The following HIVEP3 variants were observed in gnomAD, a reference collection of about 807,000 sequenced individuals.
The protein encoded by HIVEP3 is transcription factor HIVEP3.
In HIVEP3, 49 loss-of-function variants were observed where a neutral mutation model predicts 152.8. The observed-to-expected ratio is 0.32, with a 90% CI of 0.26 to 0.41. The LOEUF is 0.41. Ranked by LOEUF, HIVEP3 falls within the 10% of genes least tolerant of loss-of-function variation. The probability of loss-of-function intolerance (pLI) is 1.00; values close to 1 mark genes in which losing one functional copy is unlikely to be tolerated. For synonymous variants in HIVEP3, 1,269 were observed against 1,289.0 expected, an observed-to-expected ratio of 0.98 and a Z score of 0.33; for missense variants, 2,790 against 3,103.3, an observed-to-expected ratio of 0.90 and a Z score of 2.40.
At position 41,604,710 on chromosome 1, in the gene HIVEP3, T is replaced by C. The variant is rs181496752; in HGVS notation, c.-521-19392A>G. On this transcript the variant is annotated intron_variant, in intron 3 of 8. Coordinates refer to ENST00000372583, the MANE Select transcript of HIVEP3 (RefSeq NM_024503.5). ...AAATAAATTTCTTTACTTTATAGAT[T>C]ACCCAGCTTTAGTATTCTGTACTAG... Among the ~76,000 whole-genome samples the C allele has an allele frequency of 2.6e-5, 4 of 152,340 alleles. No homozygotes were observed. In the East Asian group the frequency reaches 5.8e-4, roughly 22 times the overall value.
chr1:41,999,868 G>A (rs945737070), intron 1 of HIVEP3, among the ~76,000 whole-genome samples: 3 of 151,782 alleles, frequency 2.0e-5, no homozygotes, highest in Non-Finnish European at 2.9e-5. Flanking sequence ...GTCAAGCCAC[G>A]CAGCAAATTG....
chr1:41,952,564 A>G (rs1415825511), intron 1 of HIVEP3, among the ~76,000 whole-genome samples: 1 of 152,138 alleles, frequency 6.6e-6, no homozygotes, highest in Admixed American at 6.5e-5. Context: ...AAGCCTTGAC[A>G]TTCCCAGTTG....
chr1:42,011,364 G>A (rs1645491389), intron 1 of HIVEP3, among the ~76,000 whole-genome samples: 1 of 152,220 alleles, frequency 6.6e-6, no homozygotes, highest in Non-Finnish European at 1.5e-5. Context: ...AGACTCACGT[G>A]TATAAAGTCA....
intron 1 of HIVEP3, among the ~76,000 whole-genome samples, chr1:41,798,743 A>C (rs1201076063): frequency 6.6e-6 from 1 of 152,194 alleles, no homozygotes; most frequent in African/African-American, 2.4e-5. Context: ...ACTTTGGTCC[A>C]TTCAATAAAT....
At chr1:41,516,840 C>T (rs1642621052) in intron 7 of HIVEP3, among the ~76,000 whole-genome samples, 2 of 152,372 alleles carry the variant, frequency 1.3e-5, no homozygotes, top group Non-Finnish European at 2.9e-5. Flanking sequence ...TCTCTGCTCA[C>T]ACCGCCCTGT....
At chr1:41,960,785 A>T (rs1645165482) in intron 1 of HIVEP3, among the ~76,000 whole-genome samples, 1 of 152,090 alleles carries the variant, frequency 6.6e-6, no homozygotes, top group Non-Finnish European at 1.5e-5. Flanking sequence ...GGCATATGAG[A>T]GTTTGAGGTA....
At chr1:41,741,362 G>C (rs531395921) in intron 1 of HIVEP3, among the ~76,000 whole-genome samples, 1 of 152,312 alleles carries the variant, frequency 6.6e-6, no homozygotes, top group South Asian at 2.1e-4. Context: ...CATTCTCCTA[G>C]CAGGGCCGGG....
chr1:41,855,640 C>G (rs1331243807), intron 1 of HIVEP3, among the ~76,000 whole-genome samples: 1 of 152,182 alleles, frequency 6.6e-6, no homozygotes, highest in African/African-American at 2.4e-5. Flanking sequence ...TCGATCTTTT[C>G]CTCCCCTATA....
chr1:41,792,929 G>A (rs1649781331), intron 1 of HIVEP3, among the ~76,000 whole-genome samples: 4 of 152,174 alleles, frequency 2.6e-5, no homozygotes, highest in African/African-American at 9.7e-5. Context: ...ATCCTTCAAG[G>A]GCAATGGGAT....
intron 1 of HIVEP3, among the ~76,000 whole-genome samples, chr1:41,842,702 G>C (rs1342970429): frequency 6.6e-6 from 1 of 152,138 alleles, no homozygotes; most frequent in African/African-American, 2.4e-5. Flanking sequence ...GAAAGAAAAG[G>C]AAGCAGCATT....
intron 5 of HIVEP3, among the ~76,000 whole-genome samples, chr1:41,545,673 A>T (rs1643774774): frequency 1.5e-5 from 1 of 68,514 alleles, no homozygotes; most frequent in Admixed American, 1.6e-4. Context: ...TGCCACAGCC[A>T]CCACCACCAC....
At chr1:41,828,816 T>C (rs1275249995) in intron 1 of HIVEP3, among the ~76,000 whole-genome samples, 1 of 152,234 alleles carries the variant, frequency 6.6e-6, no homozygotes, top group Non-Finnish European at 1.5e-5. Context: ...CCATCCAGAA[T>C]CCCTTTCATT....
chr1:41,513,714 C>T lies in HIVEP3; in HGVS notation c.5507G>A (p.Arg1836Gln), dbSNP rs372969714. ...CTCCTCCACAGCCTCTGAACCCTCT[C>T]GTCCTTCCGAGTCCTGGAACAGGTC... ...SDDLFQDSEG[R>Q]EGSEAVEEHQ... Residue 1836 changes from arginine to glutamine, a missense_variant, in exon 8 of 9, where the codon CGA (arginine) becomes CAA (glutamine). Coordinates refer to ENST00000372583, the MANE Select transcript of HIVEP3 (RefSeq NM_024503.5). 1.8e-5 allele frequency: 28 copies of T among 1,595,002 alleles called. No individual in the cohort carries two copies. Among genetic ancestry groups the T allele is most frequent in the South Asian group, 2.3e-5 (2 of 87,134 alleles).
At chr1:41,820,662 A>G (rs1034515273) in intron 1 of HIVEP3, among the ~76,000 whole-genome samples, 2 of 152,194 alleles carry the variant, frequency 1.3e-5, no homozygotes, top group African/African-American at 4.8e-5. Context: ...CTGTCCCTTG[A>G]ATTTTCTACT....
At chr1:41,809,804 A>T (rs973918412) in intron 1 of HIVEP3, among the ~76,000 whole-genome samples, 5 of 152,188 alleles carry the variant, frequency 3.3e-5, no homozygotes, top group African/African-American at 1.2e-4. Context: ...GAATGGGAGG[A>T]GGGTTCAGAT....
chr1:41,510,210 T>G lies in HIVEP3; in HGVS notation c.*241A>C. ...ACTATTCACAGCCTCAGACTCCTCGTGGGTTGTTGTTTTTTTTTTAAATGT... is the reference window on the plus strand; with the variant it reads ...ACTATTCACAGCCTCAGACTCCTCGGGGGTTGTTGTTTTTTTTTTAAATGT... On this transcript the variant is annotated 3_prime_UTR_variant, in exon 9 of 9. Coordinates refer to ENST00000372583, the MANE Select transcript of HIVEP3 (RefSeq NM_024503.5). 6 of 356,018 alleles carry G rather than the reference T, an allele frequency of 1.7e-5. No homozygotes were observed. Among genetic ancestry groups the G allele is most frequent in the East Asian group, 4.2e-5 (1 of 23,864 alleles). The allele number at this position is 356,018 out of a possible 1,614,324, so 22.1% of individuals were successfully genotyped here.
chr1:41,947,357 T>G (rs1157014345), intron 1 of HIVEP3, among the ~76,000 whole-genome samples: 1 of 152,188 alleles, frequency 6.6e-6, no homozygotes, highest in African/African-American at 2.4e-5. Flanking sequence ...CACAACAGGT[T>G]AAATACTTCG....
intron 2 of HIVEP3, among the ~76,000 whole-genome samples, chr1:41,691,618 C>G (rs896429925): frequency 1.3e-5 from 2 of 152,238 alleles, no homozygotes; most frequent in Admixed American, 1.3e-4. Flanking sequence ...ACAGTAGAGC[C>G]TCATCAGATC....
intron 1 of HIVEP3, among the ~76,000 whole-genome samples, chr1:41,749,281 A>T (rs1558235648): frequency 6.6e-6 from 1 of 152,176 alleles, no homozygotes; most frequent in Non-Finnish European, 1.5e-5. Flanking sequence ...CCATTTACCC[A>T]TGAGCCCCTC....
Sources: allele counts gnomAD v4.1 joint callset (sites outside exome capture counted in the v4.1 genomes callset), GRCh38; gene constraint gnomAD v4.1.1; transcripts MANE v1.5; gene names NCBI Gene and HGNC (gene_info 2026-07-23, HGNC 2026-07-21).